NELL1: variants seen among roughly 807,000 people sequenced by gnomAD.
The protein encoded by NELL1 is protein kinase C-binding protein NELL1.
A neutral mutation model predicts 107.4 loss-of-function variants in NELL1; 76 were observed. The observed-to-expected ratio is 0.71, with a 90% CI of 0.59 to 0.86. NELL1 has a LOEUF of 0.86. NELL1 is among the 40% of genes least tolerant of loss of function. NELL1 has a pLI of 0.00. For missense variants in NELL1, 1,024 were observed against 1,005.5 expected (o/e 1.02, Z -0.25); for synonymous variants, 353 against 341.2 (o/e 1.03, Z -0.38).
intron 13 of NELL1, among the ~76,000 whole-genome samples, chr11:21,210,778 G>A (rs56768475): frequency 0.011 from 1,600 of 152,154 alleles, 22 homozygotes; most frequent in African/African-American, 0.036. Context: ...AATAAATGGG[G>A]ATATCAACAT....
At chr11:21,135,008 T>C (rs1352604244) in intron 13 of NELL1, among the ~76,000 whole-genome samples, 1 of 152,218 alleles carries the variant, frequency 6.6e-6, no homozygotes, top group African/African-American at 2.4e-5. Flanking sequence ...ATAATAGGTG[T>C]GCAAAACATG....
At chr11:20,742,520 G>T (rs1286112658) in intron 2 of NELL1, among the ~76,000 whole-genome samples, 2 of 152,134 alleles carry the variant, frequency 1.3e-5, no homozygotes, top group African/African-American at 2.4e-5. Flanking sequence ...ATAAAGAAAA[G>T]ATGTTTAATA....
At chr11:21,287,210 T>C (rs1458199970) in intron 14 of NELL1, among the ~76,000 whole-genome samples, 1 of 152,218 alleles carries the variant, frequency 6.6e-6, no homozygotes, top group African/African-American at 2.4e-5. Context: ...CCTTTTTATT[T>C]CTTGAATCTG....
intron 12 of NELL1, among the ~76,000 whole-genome samples, chr11:21,029,906 C>G (rs7126181): frequency 6.6e-6 from 1 of 152,052 alleles, no homozygotes; most frequent in Non-Finnish European, 1.5e-5. Context: ...ATTTTGATGG[C>G]AGGCGCATTA....
chr11:21,215,582 G>C (rs962461560), intron 13 of NELL1, among the ~76,000 whole-genome samples: 4 of 152,180 alleles, frequency 2.6e-5, no homozygotes, highest in African/African-American at 9.7e-5. Flanking sequence ...ACCAAATGCT[G>C]ATAGTGATAT....
chr11:20,986,930 A>C (rs899541062), intron 12 of NELL1, among the ~76,000 whole-genome samples: 6 of 152,220 alleles, frequency 3.9e-5, no homozygotes, highest in African/African-American at 9.6e-5. Context: ...TATGTAAATA[A>C]ATTTCAACAG....
At chr11:20,671,340 T>C (rs1213411918) in intron 1 of NELL1, 1 of 152,320 alleles carries the variant, frequency 6.6e-6, no homozygotes, top group Admixed American at 6.5e-5. Flanking sequence ...CTGGTGCTCG[T>C]GGACATCTTA....
At position 20,874,917 on chromosome 11, in the gene NELL1, C is replaced by T. The variant is rs551011258; in HGVS notation, c.507-10527C>T. 2.0e-5 allele frequency among the ~76,000 whole-genome samples: 3 copies of T among 152,302 alleles called. No homozygotes were observed. In the East Asian group the frequency reaches 5.8e-4, roughly 29 times the overall value. The stretch of plus-strand genomic sequence containing the variant: ...ATGGCCTCCCTAATCTTTACTTCTT[C>T]AGACAGAACATCTCTGTTCCTTCAA... On this transcript the variant is annotated intron_variant, in intron 4 of 19. Transcript: ENST00000357134.
chr11:21,546,245 C>T (rs889357118), intron 16 of NELL1, among the ~76,000 whole-genome samples: 1 of 151,972 alleles, frequency 6.6e-6, no homozygotes, highest in South Asian at 2.1e-4. Context: ...AGATTCACTG[C>T]TTTCCTTTGT....
intron 7 of NELL1, among the ~76,000 whole-genome samples, chr11:20,925,042 T>A (rs540996169): frequency 6.6e-6 from 1 of 152,202 alleles, no homozygotes; most frequent in African/African-American, 2.4e-5. Context: ...TAGAGATGAC[T>A]TAAAGTGTAT....
chr11:21,553,584 A>T (rs1344434506), intron 16 of NELL1, among the ~76,000 whole-genome samples: 1 of 151,862 alleles, frequency 6.6e-6, no homozygotes, highest in African/African-American at 2.4e-5. Context: ...AAAACATTTT[A>T]TATAGCTCCT....
At chr11:20,822,446 C>A (rs567396595) in intron 3 of NELL1, among the ~76,000 whole-genome samples, 1 of 152,140 alleles carries the variant, frequency 6.6e-6, no homozygotes, top group South Asian at 2.1e-4. Context: ...ATGAATGCGA[C>A]AAACTTTTTT....
intron 12 of NELL1, among the ~76,000 whole-genome samples, chr11:21,017,369 C>A (rs1852589521): frequency 6.6e-6 from 1 of 152,088 alleles, no homozygotes; most frequent in Non-Finnish European, 1.5e-5. Flanking sequence ...CTAGTGAGTT[C>A]TTAAAATAAG....
chr11:20,886,153 A>G (rs566038172), intron 5 of NELL1, among the ~76,000 whole-genome samples: 2 of 152,100 alleles, frequency 1.3e-5, no homozygotes, highest in Admixed American at 6.6e-5. Flanking sequence ...ATTTGGTACC[A>G]TGCTCACTAC....
intron 12 of NELL1, among the ~76,000 whole-genome samples, chr11:21,023,672 T>C (rs7108529): frequency 4.1e-4 from 63 of 152,156 alleles, no homozygotes; most frequent in African/African-American, 1.4e-3. Flanking sequence ...ACTTAGAAAG[T>C]AGGCAGTGTG....
intron 14 of NELL1, among the ~76,000 whole-genome samples, chr11:21,293,711 G>A (rs771051100): frequency 6.6e-6 from 1 of 152,184 alleles, no homozygotes; most frequent in Non-Finnish European, 1.5e-5. Flanking sequence ...ACTGGATAAA[G>A]AAAATGTGGC....
At chr11:21,294,699 CAACT>C (rs1849338604) in intron 14 of NELL1, among the ~76,000 whole-genome samples, 1 of 151,980 alleles carries the variant, frequency 6.6e-6, no homozygotes, top group Non-Finnish European at 1.5e-5. Flanking sequence ...TGAGGTCACA[CAACT>C]AACAGGAGTT....
chr11:21,490,346 T>C (rs1485179317), intron 15 of NELL1, among the ~76,000 whole-genome samples: 3 of 151,338 alleles, frequency 2.0e-5, no homozygotes, highest in Non-Finnish European at 2.9e-5. Flanking sequence ...TTAATATTAT[T>C]ATAATGGCCA....
At chr11:21,212,805 G>A (rs1857528633) in intron 13 of NELL1, among the ~76,000 whole-genome samples, 1 of 152,158 alleles carries the variant, frequency 6.6e-6, no homozygotes, top group Non-Finnish European at 1.5e-5. Context: ...TGGCAACAAA[G>A]CAGTGATGTC....
Sources: allele counts gnomAD v4.1 joint callset (sites outside exome capture counted in the v4.1 genomes callset), GRCh38; gene constraint gnomAD v4.1.1; transcripts MANE v1.5; gene names NCBI Gene and HGNC (gene_info 2026-07-23, HGNC 2026-07-21).